PDE4D: variants seen among roughly 807,000 people sequenced by gnomAD.
The protein encoded by PDE4D is 3',5'-cyclic-AMP phosphodiesterase 4D.
A neutral mutation model predicts 87.4 loss-of-function variants in PDE4D; 24 were observed. The ratio of observed to expected loss-of-function variants is 0.27; its 90% CI spans 0.20 to 0.39. The LOEUF is 0.39. Among genes scored for constraint, PDE4D ranks in the 10% least tolerant of loss-of-function variants. The probability of loss-of-function intolerance (pLI) is 1.00; values close to 1 mark genes in which losing one functional copy is unlikely to be tolerated. For missense variants in PDE4D, 714 were observed against 1,041.0 expected (o/e 0.69, Z 4.32); for synonymous variants, 384 against 383.2 (o/e 1.00, Z -0.02).
chr5:59,444,928 A>G (rs1212915553), intron 1 of PDE4D, among the ~76,000 whole-genome samples: 1 of 152,200 alleles, frequency 6.6e-6, no homozygotes, highest in East Asian at 1.9e-4. Flanking sequence ...CAAGTTCTGT[A>G]ACTCAGATAC....
intron 1 of PDE4D, among the ~76,000 whole-genome samples, chr5:59,742,571 C>T (rs987737395): frequency 7.9e-5 from 12 of 152,132 alleles, no homozygotes; most frequent in African/African-American, 2.4e-4. Context: ...AATTCTAGAA[C>T]TTCTTTTATC....
At chr5:59,986,972 G>A (rs1762510941) in intron 3 of PDE4D, 1 of 152,082 alleles carries the variant, frequency 6.6e-6, no homozygotes, top group Non-Finnish European at 1.5e-5. Flanking sequence ...ACTTCACTTG[G>A]GGACTCTTGG....
At chr5:59,749,813 C>A (rs1165545824) in intron 1 of PDE4D, among the ~76,000 whole-genome samples, 1 of 152,114 alleles carries the variant, frequency 6.6e-6, no homozygotes, top group South Asian at 2.1e-4. Flanking sequence ...AAACTTCAGA[C>A]TCATACATTC....
At chr5:59,725,402 C>A (rs1756458545) in intron 1 of PDE4D, among the ~76,000 whole-genome samples, 1 of 152,020 alleles carries the variant, frequency 6.6e-6, no homozygotes, top group Admixed American at 6.6e-5. Context: ...TATTCAGTGA[C>A]TTTTTGTTGA....
At chr5:58,983,899 A>G (rs1481788347) in intron 11 of PDE4D, among the ~76,000 whole-genome samples, 1 of 152,182 alleles carries the variant, frequency 6.6e-6, no homozygotes, top group Non-Finnish European at 1.5e-5. Flanking sequence ...CCCAAATCCA[A>G]CTAAGTCCAC....
At chr5:59,764,304 G>A (rs1762513376) in intron 1 of PDE4D, among the ~76,000 whole-genome samples, 1 of 152,100 alleles carries the variant, frequency 6.6e-6, no homozygotes. Flanking sequence ...CCCACTAAGG[G>A]TCCAGCCCTG....
At chr5:60,304,356 G>A (rs1754236305) in intron 1 of PDE4D, among the ~76,000 whole-genome samples, 1 of 152,166 alleles carries the variant, frequency 6.6e-6, no homozygotes, top group Admixed American at 6.5e-5. Flanking sequence ...ATGAAATGGA[G>A]AGAGAAGGGC....
chr5:60,482,076 C>A lies in PDE4D; in HGVS notation c.-90+5866G>T, dbSNP rs565976685. Among the ~76,000 whole-genome samples the A allele has an allele frequency of 2.0e-5, 3 of 152,258 alleles. No homozygotes were observed. In the East Asian group the frequency reaches 5.8e-4, roughly 29 times the overall value. Reference sequence around the variant, plus strand: ...CGTCCCAAAATTCATATGCTGAGATCTAATTCCCAATGTGTTGGTGCTTGG... The same window carrying A: ...CGTCCCAAAATTCATATGCTGAGATATAATTCCCAATGTGTTGGTGCTTGG... On this transcript the variant is annotated intron_variant, in intron 1 of 16. Transcript: ENST00000502484.
chr5:59,179,654 A>G (rs1223039051), intron 5 of PDE4D: 1 of 463,946 alleles, frequency 2.2e-6, no homozygotes, highest in African/African-American at 2.0e-5. Flanking sequence ...TGATAAAGTT[A>G]AATTTCAAGC....
intron 1 of PDE4D, among the ~76,000 whole-genome samples, chr5:59,380,502 T>C (rs2702365): frequency 0.14 from 21,896 of 152,076 alleles, 1,651 homozygotes; most frequent in East Asian, 0.22. Context: ...CTTCAAGTTT[T>C]TGTGGTCAGT....
intron 1 of PDE4D, among the ~76,000 whole-genome samples, chr5:59,782,953 C>T (rs1217874528): frequency 6.6e-6 from 1 of 152,166 alleles, no homozygotes; most frequent in Non-Finnish European, 1.5e-5. Context: ...TTGGACTTTA[C>T]CATTTCCTTC....
intron 5 of PDE4D, among the ~76,000 whole-genome samples, chr5:59,086,706 T>C (rs1767759230): frequency 6.6e-6 from 1 of 152,188 alleles, no homozygotes; most frequent in African/African-American, 2.4e-5. Context: ...TACTATCTTA[T>C]GGACAGCAGA....
chr5:59,146,235 T>C (rs960109645), intron 5 of PDE4D, among the ~76,000 whole-genome samples: 2 of 152,226 alleles, frequency 1.3e-5, no homozygotes, highest in East Asian at 1.9e-4. Context: ...CCTTTTCCTT[T>C]CTGATAGACA....
chr5:59,024,537 A>G (rs1755855789), intron 6 of PDE4D, among the ~76,000 whole-genome samples: 1 of 152,152 alleles, frequency 6.6e-6, no homozygotes, highest in South Asian at 2.1e-4. Context: ...CCCCTTCTGT[A>G]GGGACTGATG....
At chr5:59,238,374 A>G (rs1007087693) in intron 1 of PDE4D, among the ~76,000 whole-genome samples, 2 of 152,222 alleles carry the variant, frequency 1.3e-5, no homozygotes, top group Admixed American at 1.3e-4. Context: ...CATTTGGAAT[A>G]GTAGGTAACA....
At chr5:60,111,736 A>T (rs995067812) in intron 2 of PDE4D, among the ~76,000 whole-genome samples, 1 of 151,992 alleles carries the variant, frequency 6.6e-6, no homozygotes, top group Non-Finnish European at 1.5e-5. Context: ...TAGGTTTTCT[A>T]CAAAGACATA....
chr5:59,413,227 G>A (rs1792990952), intron 1 of PDE4D, among the ~76,000 whole-genome samples: 1 of 152,022 alleles, frequency 6.6e-6, no homozygotes, highest in South Asian at 2.1e-4. Flanking sequence ...GGAGGCCAAG[G>A]TGGGCGGATC....
Position 59,352,541 on chromosome 5 carries a change from C to T in PDE4D, c.456-136573G>A, listed in dbSNP as rs573591096. Among the ~76,000 whole-genome samples, 60 of 152,256 alleles carry T rather than the reference C, an allele frequency of 3.9e-4. No homozygotes were observed. The South Asian group carries it at 0.012, about 29-fold the overall frequency. On this transcript the variant is annotated intron_variant, in intron 1 of 14. Transcript: ENST00000340635. ...GTTTGGTTGGGCAATCACTGATGTG[C>T]TACCACTCAGGTTTTGGTAGTAGCA...
At chr5:59,589,807 T>C (rs1825671727) in intron 1 of PDE4D, among the ~76,000 whole-genome samples, 1 of 152,204 alleles carries the variant, frequency 6.6e-6, no homozygotes, top group Non-Finnish European at 1.5e-5. Context: ...GATTTGGCCA[T>C]TAAACTACTA....
Sources: gnomAD v4.1 joint callset for allele counts (sites outside exome capture counted in the v4.1 genomes callset) on GRCh38, gnomAD v4.1.1 for gene constraint, MANE v1.5 for transcripts, NCBI Gene and HGNC (gene_info 2026-07-23, HGNC 2026-07-21) for gene names.